BEAN1: variants seen among roughly 807,000 people sequenced by gnomAD.
BEAN1 encodes protein BEAN1.
In BEAN1, 17 loss-of-function variants were observed where a neutral mutation model predicts 17.7. The observed-to-expected ratio is 0.96, with a 90% CI of 0.66 to 1.44. The LOEUF is 1.44. Ranked by LOEUF, BEAN1 falls within the 40% of genes most tolerant of loss-of-function variation. The probability of loss-of-function intolerance (pLI) is 0.00; values close to 1 mark genes in which losing one functional copy is unlikely to be tolerated. For synonymous variants in BEAN1, 142 were observed against 151.8 expected (o/e 0.94, Z 0.47); for missense variants, 359 against 374.1 (o/e 0.96, Z 0.33).
intron 2 of BEAN1, among the ~76,000 whole-genome samples, chr16:66,468,035 C>T (rs936729441): frequency 6.6e-6 from 1 of 152,214 alleles, no homozygotes; most frequent in Non-Finnish European, 1.5e-5. Context: ...TGTCAAGCCT[C>T]TGATTGGTAG....
At chr16:66,466,909 C>T (rs1347153036) in intron 2 of BEAN1, among the ~76,000 whole-genome samples, 2 of 152,202 alleles carry the variant, frequency 1.3e-5, no homozygotes, top group African/African-American at 4.8e-5. Flanking sequence ...TTTAACTTAT[C>T]ACCAAAGTGA....
chr16:66,474,688 GAAGA>G (rs962827611), intron 3 of BEAN1, among the ~76,000 whole-genome samples: 1 of 136,772 alleles, frequency 7.3e-6, no homozygotes, highest in Non-Finnish European at 1.6e-5. Flanking sequence ...AAAGAGAAGA[GAAGA>G]AAGAAGAGAG....
At chr16:66,441,128 G>T (rs911197187) in intron 2 of BEAN1, among the ~76,000 whole-genome samples, 2 of 152,226 alleles carry the variant, frequency 1.3e-5, no homozygotes, top group African/African-American at 4.8e-5. Flanking sequence ...ATGCCTGCTG[G>T]GTTCCCAGTT....
intron 4 of BEAN1, among the ~76,000 whole-genome samples, chr16:66,492,031 T>C (rs1349504255): frequency 1.3e-5 from 2 of 152,056 alleles, no homozygotes; most frequent in Admixed American, 1.3e-4. Flanking sequence ...GTTTTGTTTT[T>C]TTGTTGTTTT....
At position 66,480,909 on chromosome 16, in the gene BEAN1, C is replaced by T. The variant is rs1190642190; in HGVS notation, c.764C>T (p.Pro255Leu). 5 of 1,454,462 alleles carry T rather than the reference C, an allele frequency of 3.4e-6. No homozygotes were observed. In the African/African-American group the frequency reaches 7.1e-5, roughly 21 times the overall value. The allele number at this position is 1,454,462 out of a possible 1,614,324, so 90.1% of individuals were successfully genotyped here. The change falls in exon 5 of 5, where the codon CCA becomes CTA. Residue 255 changes from proline (P) to leucine (L), a missense_variant. Transcript: ENST00000536005. ...PTPTRAPASG[P>L]ERIV ...CCAACCCGGGCCCCAGCCTCTGGCC[C>T]AGAGAGGATTGTGTGAGGGACCCAG...
intron 4 of BEAN1, among the ~76,000 whole-genome samples, chr16:66,480,320 C>T (rs1431936341): frequency 1.3e-5 from 2 of 152,158 alleles, no homozygotes; most frequent in Admixed American, 6.5e-5. Flanking sequence ...TTCGAGGCAC[C>T]GCAGACCCAG....
chr16:66,433,407 C>T (rs1385093613), intron 1 of BEAN1, among the ~76,000 whole-genome samples: 2 of 152,214 alleles, frequency 1.3e-5, no homozygotes, highest in East Asian at 1.9e-4. Context: ...CCACTGCACT[C>T]AGCCGAGACT....
chr16:66,444,740 G>C (rs1962381917), intron 2 of BEAN1, among the ~76,000 whole-genome samples: 1 of 152,154 alleles, frequency 6.6e-6, no homozygotes, highest in South Asian at 2.1e-4. Context: ...TAAAATGGGG[G>C]TATCCCAGTG....
chr16:66,488,541 CTG>C (rs144446451), intron 4 of BEAN1, among the ~76,000 whole-genome samples: 7,327 of 126,500 alleles, frequency 0.058, 307 homozygotes, highest in South Asian at 0.18. Flanking sequence ...AAAAAAAAAA[CTG>C]TTTTAATTAG....
At chr16:66,451,491 T>C (rs1417613990) in intron 2 of BEAN1, 1 of 152,252 alleles carries the variant, frequency 6.6e-6, no homozygotes, top group Non-Finnish European at 1.5e-5. Context: ...ATCTTCTGTG[T>C]CCTGTTTAAG....
At chr16:66,449,375 A>G (rs973348974) in intron 2 of BEAN1, among the ~76,000 whole-genome samples, 2 of 152,192 alleles carry the variant, frequency 1.3e-5, no homozygotes, top group Non-Finnish European at 2.9e-5. Context: ...TGGGAGACCA[A>G]TGCGGGCAGA....
At chr16:66,458,316 C>T (rs1669194397) in intron 2 of BEAN1, among the ~76,000 whole-genome samples, 1 of 152,174 alleles carries the variant, frequency 6.6e-6, no homozygotes, top group Admixed American at 6.5e-5. Context: ...TGGTCTGCCT[C>T]AGTTTCCCTG....
chr16:66,465,527 T>G (rs1963231861), intron 2 of BEAN1, among the ~76,000 whole-genome samples: 1 of 152,232 alleles, frequency 6.6e-6, no homozygotes, highest in South Asian at 2.1e-4. Flanking sequence ...AATTTATCAC[T>G]TTAACCATTT....
At chr16:66,484,317 C>A, downstream of BEAN1, 1 of 335,870 alleles carries the variant, frequency 3.0e-6, no homozygotes, top group South Asian at 2.4e-5. This position sits in a 1 kb window ranked among gnomAD's most constrained non-coding sequence, Gnocchi z 4.2. Flanking sequence ...CTGCCCCCAA[C>A]CGAAACCACC....
At chr16:66,489,928 T>TAGGGGGCAGGGGAGTTGGGAGC (rs1567514150) in intron 4 of BEAN1, among the ~76,000 whole-genome samples, 1 of 151,858 alleles carries the variant, frequency 6.6e-6, no homozygotes, top group African/African-American at 2.4e-5. Context: ...GAGAACATTG[T>TAGGGGGCAGGGGAGTTGGGAGC]AGGGGGCAGG....
At position 66,434,467 on chromosome 16, in the gene BEAN1, G is replaced by T. The variant is rs1028138630; in HGVS notation, c.-82-3128G>T. Among the ~76,000 whole-genome samples, 1 of 152,138 alleles carries T rather than the reference G, an allele frequency of 6.6e-6. No homozygotes were observed. Among genetic ancestry groups the T allele is most frequent in the Non-Finnish European group, 1.5e-5 (1 of 68,008 alleles). On this transcript the variant is annotated intron_variant, in intron 1 of 4. Coordinates refer to ENST00000536005, the MANE Select transcript of BEAN1 (RefSeq NM_001178020.3). The surrounding 1 kb of genome is among the most constrained non-coding windows in gnomAD (Gnocchi z 4.3). ...GGTCCTCCGGCAGAAATCCTGGAGT[G>T]GGGGAAGGGAGAAGGAAACAGGCAG...
chr16:66,445,384 G>A (rs1346597279), intron 2 of BEAN1, among the ~76,000 whole-genome samples: 1 of 147,630 alleles, frequency 6.8e-6, no homozygotes, highest in Non-Finnish European at 1.5e-5. Context: ...GCTGAGGCAA[G>A]AGAATGGCGT....
intron 2 of BEAN1, among the ~76,000 whole-genome samples, chr16:66,454,725 CTTTCT>C (rs1445297909): frequency 4.3e-5 from 3 of 70,388 alleles, no homozygotes; most frequent in East Asian, 3.6e-4. Flanking sequence ...CCTTTTCTTT[CTTTCT>C]TTTTTTTTTT....
At chr16:66,433,299 T>G (rs948150364) in intron 1 of BEAN1, among the ~76,000 whole-genome samples, 2 of 152,022 alleles carry the variant, frequency 1.3e-5, no homozygotes, top group African/African-American at 4.8e-5. Context: ...TTAGTAGAGA[T>G]AGGATTTCAC....
Sources: gnomAD v4.1 joint callset for allele counts (sites outside exome capture counted in the v4.1 genomes callset) on GRCh38, gnomAD v4.1.1 for gene constraint, Gnocchi (gnomAD v3.1) non-coding constraint, MANE v1.5 for transcripts, NCBI Gene and HGNC (gene_info 2026-07-23, HGNC 2026-07-21) for gene names.